Variants in FAM168A observed in about 807,000 individuals in gnomAD.
The protein encoded by FAM168A is protein FAM168A.
FAM168A carries 3 observed loss-of-function variants against 28.5 expected under a neutral mutation model. The observed-to-expected ratio is 0.11, with a 90% confidence interval of 0.05 to 0.27. FAM168A has a LOEUF of 0.27. FAM168A is among the 10% of genes least tolerant of loss of function. FAM168A has a pLI of 1.00. For missense variants in FAM168A, 222 were observed against 311.5 expected, an observed-to-expected ratio of 0.71 and a Z score of 2.16; for synonymous variants, 122 against 124.2, an observed-to-expected ratio of 0.98 and a Z score of 0.12.
chr11:73,453,533 G>A (rs1419067250), intron 2 of FAM168A, among the ~76,000 whole-genome samples: 2 of 152,174 alleles, frequency 1.3e-5, no homozygotes, highest in East Asian at 1.9e-4. Context: ...TGATCAATGC[G>A]GCTCTACCCA....
intron 1 of FAM168A, among the ~76,000 whole-genome samples, chr11:73,502,548 C>T (rs1384585548): frequency 1.3e-5 from 2 of 152,108 alleles, no homozygotes; most frequent in East Asian, 1.9e-4. Flanking sequence ...GATTTACAGC[C>T]GAATTCTACC....
At chr11:73,445,269 A>AT in intron 2 of FAM168A, among the ~76,000 whole-genome samples, 1 of 152,122 alleles carries the variant, frequency 6.6e-6, no homozygotes. Context: ...CAAAAAAAAA[A>AT]AAAAGATTAT....
intron 1 of FAM168A, among the ~76,000 whole-genome samples, chr11:73,517,445 C>G (rs1474156437): frequency 6.6e-6 from 1 of 151,990 alleles, no homozygotes; most frequent in Non-Finnish European, 1.5e-5. Flanking sequence ...CTGCTAGAAG[C>G]TATTTGCTCT....
At chr11:73,426,029 C>T (rs1471417565) in intron 3 of FAM168A, among the ~76,000 whole-genome samples, 2 of 152,166 alleles carry the variant, frequency 1.3e-5, no homozygotes, top group Non-Finnish European at 2.9e-5. Context: ...CTACCCTTCT[C>T]CAAGTTTGTT....
intron 4 of FAM168A, among the ~76,000 whole-genome samples, chr11:73,418,450 T>G (rs1024493221): frequency 1.3e-5 from 2 of 152,206 alleles, no homozygotes; most frequent in African/African-American, 4.8e-5. Flanking sequence ...TAAGCAGGGG[T>G]TGGTACCATG....
At chr11:73,522,632 G>T (rs1223668156) in intron 1 of FAM168A, among the ~76,000 whole-genome samples, 2 of 151,696 alleles carry the variant, frequency 1.3e-5, no homozygotes. Flanking sequence ...CACCACGCCT[G>T]GCCAGGAACT....
intron 1 of FAM168A, among the ~76,000 whole-genome samples, chr11:73,585,183 T>G (rs1469142994): frequency 1.3e-5 from 2 of 152,230 alleles, no homozygotes; most frequent in Non-Finnish European, 2.9e-5. Flanking sequence ...AAAACATTAT[T>G]CCTTCTTCAT....
chr11:73,409,764 G>C, intron 5 of FAM168A, 103 bp from the exon 6 acceptor site: 1 of 1,211,924 alleles, frequency 8.3e-7, no homozygotes, highest in African/African-American at 1.5e-5. Context: ...CCCAGCTGGG[G>C]CTCTGCTTGT....
chr11:73,450,145 C>T (rs1867400407), intron 2 of FAM168A, among the ~76,000 whole-genome samples: 1 of 152,220 alleles, frequency 6.6e-6, no homozygotes, highest in South Asian at 2.1e-4. Flanking sequence ...TTTAGGACCA[C>T]CCAATCTGTC....
At chr11:73,424,694 A>G (rs1290179451) in intron 3 of FAM168A, among the ~76,000 whole-genome samples, 1 of 152,212 alleles carries the variant, frequency 6.6e-6, no homozygotes, top group Non-Finnish European at 1.5e-5. Flanking sequence ...AGAGGCTACC[A>G]CAAAGCCAAC....
intron 1 of FAM168A, among the ~76,000 whole-genome samples, chr11:73,564,981 T>C (rs912161167): frequency 3.3e-5 from 5 of 152,114 alleles, no homozygotes; most frequent in Non-Finnish European, 7.4e-5. Context: ...ACTACAACTA[T>C]AGCATCAAAG....
intron 1 of FAM168A, among the ~76,000 whole-genome samples, chr11:73,476,224 C>A (rs972537335): frequency 5.3e-5 from 8 of 152,108 alleles, no homozygotes; most frequent in African/African-American, 1.7e-4. Flanking sequence ...AGGGTGGAAG[C>A]CTTCCTGGCC....
intron 1 of FAM168A, among the ~76,000 whole-genome samples, chr11:73,508,041 G>C (rs2134633349): frequency 6.6e-6 from 1 of 152,166 alleles, no homozygotes; most frequent in South Asian, 2.1e-4. Context: ...GTGTAATCTT[G>C]GGCATAGTTA....
chr11:73,445,174 G>C (rs1275181272), intron 2 of FAM168A, among the ~76,000 whole-genome samples: 2 of 151,462 alleles, frequency 1.3e-5, no homozygotes, highest in African/African-American at 4.9e-5. Flanking sequence ...CAGGAGAATC[G>C]CTTGAACCTG....
chr11:73,431,284 G>GT (rs1480701822), intron 2 of FAM168A, among the ~76,000 whole-genome samples: 2 of 152,198 alleles, frequency 1.3e-5, no homozygotes, highest in Non-Finnish European at 2.9e-5. Flanking sequence ...AGAGGTTGCA[G>GT]TGAGCTGAGA....
At chr11:73,509,103 T>C (rs11235783) in intron 1 of FAM168A, among the ~76,000 whole-genome samples, 11,418 of 152,238 alleles carry the variant, frequency 0.075, 556 homozygotes, top group Admixed American at 0.11. Context: ...TTCAGGTATG[T>C]CTTTATTGGC....
intron 1 of FAM168A, among the ~76,000 whole-genome samples, chr11:73,585,363 C>T (rs1944300016): frequency 6.6e-6 from 1 of 152,184 alleles, no homozygotes; most frequent in Non-Finnish European, 1.5e-5. Context: ...TATTACTACA[C>T]TTCCCTTTTA....
chr11:73,464,181 T>C (rs1303142391), intron 2 of FAM168A, among the ~76,000 whole-genome samples: 1 of 147,368 alleles, frequency 6.8e-6, no homozygotes, highest in Non-Finnish European at 1.5e-5. Flanking sequence ...CTTCCAGAAT[T>C]GTTATTAAAA....
At chr11:73,581,792 C>T (rs889286994) in intron 1 of FAM168A, among the ~76,000 whole-genome samples, 4 of 152,004 alleles carry the variant, frequency 2.6e-5, no homozygotes, top group African/African-American at 4.8e-5. Flanking sequence ...AATCTCGCCT[C>T]GCTGCAAACT....
Sources: gnomAD v4.1 joint callset for allele counts (sites outside exome capture counted in the v4.1 genomes callset) on GRCh38, gnomAD v4.1.1 for gene constraint, MANE v1.5 for transcripts, NCBI Gene and HGNC (gene_info 2026-07-23, HGNC 2026-07-21) for gene names.